Variants in ETFA observed in about 807,000 individuals in gnomAD.
ETFA encodes the protein electron transfer flavoprotein subunit alpha, mitochondrial.
In ETFA, 22 loss-of-function variants were observed where a neutral mutation model predicts 46.2. The observed-to-expected ratio is 0.48, with a 90% CI of 0.34 to 0.68. ETFA has a LOEUF of 0.68. Among genes scored for constraint, ETFA ranks in the 30% least tolerant of loss-of-function variants. The pLI, the probability that ETFA is intolerant of heterozygous loss-of-function variation, is 0.01. For synonymous variants in ETFA, 131 were observed against 139.9 expected, an observed-to-expected ratio of 0.94 and a Z score of 0.45; for missense variants, 345 against 401.1, an observed-to-expected ratio of 0.86 and a Z score of 1.19.
chr15:76,310,369 G>GAAAAAAAAAAAAAAAAAA (rs34111559), intron 1 of ETFA, among the ~76,000 whole-genome samples: 26 of 104,446 alleles, frequency 2.5e-4, no homozygotes, highest in African/African-American at 9.3e-4. Flanking sequence ...TCCATGCCCA[G>GAAAAAAAAAAAAAAAAAA]AAAAAAAAAA....
At chr15:76,234,573 C>A (rs758885146) in intron 9 of ETFA, among the ~76,000 whole-genome samples, 1 of 151,876 alleles carries the variant, frequency 6.6e-6, no homozygotes, top group Non-Finnish European at 1.5e-5. Flanking sequence ...TGGTGGGGGA[C>A]GGTGGGGATT....
At chr15:76,257,837 C>T (rs1003357775) in intron 9 of ETFA, among the ~76,000 whole-genome samples, 87 of 151,692 alleles carry the variant, frequency 5.7e-4, no homozygotes, top group Middle Eastern at 3.4e-3. Flanking sequence ...ACTATGCAGC[C>T]ATAAAAAATG....
chr15:76,247,871 T>C (rs1278590822), intron 9 of ETFA, among the ~76,000 whole-genome samples: 1 of 152,224 alleles, frequency 6.6e-6, no homozygotes, highest in African/African-American at 2.4e-5. Flanking sequence ...GATTTTGTAA[T>C]TGAGGGAAAA....
chr15:76,289,807 G>A (rs997972683), intron 4 of ETFA, among the ~76,000 whole-genome samples: 2 of 152,060 alleles, frequency 1.3e-5, no homozygotes, highest in Admixed American at 1.3e-4. Flanking sequence ...TTTACAGGCC[G>A]CACGACCAGC....
At chr15:76,296,083 C>A (rs941035652) in intron 1 of ETFA, among the ~76,000 whole-genome samples, 5 of 151,258 alleles carry the variant, frequency 3.3e-5, no homozygotes, top group Non-Finnish European at 7.4e-5. Flanking sequence ...GTAGCTGGAA[C>A]TACAGGCGCC....
chr15:76,288,162 C>A (rs2039719941), intron 4 of ETFA, among the ~76,000 whole-genome samples: 1 of 152,130 alleles, frequency 6.6e-6, no homozygotes, highest in Non-Finnish European at 1.5e-5. Flanking sequence ...TTAAGAGTTT[C>A]ATGAGTTTTA....
At position 76,240,058 on chromosome 15, in the gene ETFA, TTGA is replaced by T. The variant is rs1181211846; in HGVS notation, c.817-8663_817-8661del. On this transcript the variant is annotated intron_variant, in intron 9 of 11. Transcript: ENST00000557943. The stretch of plus-strand genomic sequence containing the variant: ...TCCGAAATTATTTTTGTTGTTGTTG[TTGA>T]TGATGTTTCTTTCTTTTAATTTATG... 2.0e-5 allele frequency among the ~76,000 whole-genome samples: 3 copies of T among 152,226 alleles called. No individual in the cohort carries two copies. In the East Asian group the frequency reaches 5.8e-4, roughly 29 times the overall value.
chr15:76,283,164 T>C (rs929883891), intron 8 of ETFA, among the ~76,000 whole-genome samples: 5 of 152,154 alleles, frequency 3.3e-5, no homozygotes, highest in Admixed American at 2.0e-4. Context: ...GAATCTGAAG[T>C]AGGCACTGAA....
chr15:76,310,376 A>G lies in ETFA; in HGVS notation c.39+974T>C, dbSNP rs1398657160. Among the ~76,000 whole-genome samples the G allele has an allele frequency of 9.5e-5, 6 of 63,182 alleles. No individual in the cohort carries two copies. In the East Asian group the frequency reaches 5.0e-3, roughly 53 times the overall value. 41.4% of individuals were successfully genotyped at this position (63,182 alleles called of 152,430 possible). A position where few individuals can be genotyped will look rare whatever the true frequency, so the allele number is the denominator to read the frequency against. On this transcript the variant is annotated intron_variant, in intron 1 of 11. Coordinates refer to ENST00000557943, the MANE Select transcript of ETFA (RefSeq NM_000126.4). ...GGAAAATATCCATGCCCAGAAAAAA[A>G]AAAAAAAAAAAAAAAAGGAGAAAAG...
At chr15:76,253,535 A>G (rs2039321243) in intron 9 of ETFA, among the ~76,000 whole-genome samples, 1 of 152,198 alleles carries the variant, frequency 6.6e-6, no homozygotes, top group Non-Finnish European at 1.5e-5. Flanking sequence ...AGTTGAAAGG[A>G]AAGTAGAAAA....
In ETFA at chr15:76,285,702, A is replaced by C; in HGVS notation, c.599T>G (p.Leu200Arg). 1 of 1,612,488 alleles carries C rather than the reference A, an allele frequency of 6.2e-7. No homozygotes were observed. The highest frequency in any genetic ancestry group is 8.5e-7 in the Non-Finnish European group (1 of 1,178,570). ...STSPVEISEWLDQKLTKSDRP... is the reference protein window; with the variant it reads ...STSPVEISEWRDQKLTKSDRP... ...ATCACTTTTTGTTAATTTCTGGTCA[A>C]GCCACTCTGATATTTCCACTGGTGA... The change falls in exon 7 of 12, where the codon CTT (leucine) becomes CGT (arginine). Residue 200 changes from leucine (L) to arginine (R), a missense_variant. By Grantham distance (102) the Leu-to-Arg change is moderately radical. Coordinates refer to ENST00000557943, the MANE Select transcript of ETFA (RefSeq NM_000126.4).
intron 11 of ETFA, among the ~76,000 whole-genome samples, chr15:76,217,295 A>C (rs543923768): frequency 9.2e-5 from 14 of 152,164 alleles, no homozygotes; most frequent in Non-Finnish European, 2.1e-4. Flanking sequence ...CAAAGTCTCT[A>C]GCTTACTGCA....
chr15:76,295,114 C>T (rs1482314047), intron 2 of ETFA, among the ~76,000 whole-genome samples: 1 of 152,140 alleles, frequency 6.6e-6, no homozygotes, highest in Non-Finnish European at 1.5e-5. Flanking sequence ...ATAACAACAA[C>T]AACAACAACA....
At chr15:76,258,170 TAATAAATA>T (rs10688626) in intron 9 of ETFA, among the ~76,000 whole-genome samples, 2 of 150,998 alleles carry the variant, frequency 1.3e-5, no homozygotes, top group Admixed American at 6.6e-5. Context: ...TAAAGTATAA[TAATAAATA>T]AATAAATAAA....
At chr15:76,228,283 C>T (rs2039025813) in intron 10 of ETFA, 1 of 309,634 alleles carries the variant, frequency 3.2e-6, no homozygotes. Flanking sequence ...CTCCTGGGCT[C>T]AAGTGATCCT....
chr15:76,301,603 A>G (rs1005653528), intron 1 of ETFA, among the ~76,000 whole-genome samples: 1 of 152,168 alleles, frequency 6.6e-6, no homozygotes, highest in Non-Finnish European at 1.5e-5. Context: ...CCAGCTACTC[A>G]GGAGGCTAAG....
Position 76,285,665 on chromosome 15 carries a change from T to C in ETFA, c.636A>G (p.Leu212=), listed in dbSNP as rs754943137. 2.5e-6 allele frequency: 4 copies of C among 1,610,606 alleles called. No individual in the cohort carries two copies. The highest frequency in any genetic ancestry group is 3.4e-6 in the Non-Finnish European group (4 of 1,176,948). The part of the protein sequence containing the change: ...QKLTKSDRPE[L]TGAKVVVSGG... ...CAGATACCACCACTTTGGCACCTGTTAGCTCTGGTCGATCACTTTTTGTTA... is the reference window on the plus strand; with the variant it reads ...CAGATACCACCACTTTGGCACCTGTCAGCTCTGGTCGATCACTTTTTGTTA... The change falls in exon 7 of 12, where the codon CTA becomes CTG. Residue 212 remains leucine, a synonymous_variant. Coordinates refer to ENST00000557943, the MANE Select transcript of ETFA (RefSeq NM_000126.4).
At chr15:76,304,656 T>C (rs1243535153) in intron 1 of ETFA, among the ~76,000 whole-genome samples, 3 of 139,650 alleles carry the variant, frequency 2.1e-5, no homozygotes, top group Admixed American at 1.4e-4. Context: ...AGTAAGACTC[T>C]ATTTCAAAAA....
intron 9 of ETFA, among the ~76,000 whole-genome samples, chr15:76,256,140 C>G (rs185715724): frequency 1.4e-3 from 208 of 151,960 alleles, no homozygotes; most frequent in African/African-American, 4.4e-3. Flanking sequence ...CACCTGTAAT[C>G]CCAGCTACTC....
Sources: allele counts gnomAD v4.1 joint callset (sites outside exome capture counted in the v4.1 genomes callset), GRCh38; gene constraint gnomAD v4.1.1; transcripts MANE v1.5; gene names NCBI Gene and HGNC (gene_info 2026-07-23, HGNC 2026-07-21).